GALK2: variants seen among roughly 807,000 people sequenced by gnomAD.
GALK2 encodes the protein N-acetylgalactosamine kinase.
A neutral mutation model predicts 52.4 loss-of-function variants in GALK2; 36 were observed. The ratio of observed to expected loss-of-function variants is 0.69; its 90% CI spans 0.53 to 0.91. The LOEUF is 0.91. Among genes scored for constraint, GALK2 ranks in the 40% least tolerant of loss-of-function variants. GALK2 has a pLI of 0.00. For missense variants in GALK2, 579 were observed against 559.1 expected, an observed-to-expected ratio of 1.04 and a Z score of -0.36; for synonymous variants, 176 against 199.1, an observed-to-expected ratio of 0.88 and a Z score of 0.98.
At chr15:49,201,909 T>A (rs775091775) in intron 2 of GALK2, among the ~76,000 whole-genome samples, 1 of 152,206 alleles carries the variant, frequency 6.6e-6, no homozygotes. Context: ...ATGGGGTAAT[T>A]TATCAACAAT....
At chr15:49,366,503 G>T in intron 3 of GALK2, 1 of 1,284,366 alleles carries the variant, frequency 7.8e-7, no homozygotes, top group African/African-American at 1.5e-5. Flanking sequence ...CAAACTAATG[G>T]AAGTTGCATT....
At chr15:49,165,873 G>C (rs1040920779), upstream of GALK2, among the ~76,000 whole-genome samples, 2 of 147,970 alleles carry the variant, frequency 1.4e-5, no homozygotes, top group East Asian at 4.0e-4. Context: ...TGCCATCTCC[G>C]CTCACTGCAA....
At chr15:49,271,344 A>G (rs1407384309) in intron 5 of GALK2, among the ~76,000 whole-genome samples, 7 of 151,804 alleles carry the variant, frequency 4.6e-5, no homozygotes, top group Admixed American at 4.6e-4. Flanking sequence ...TTACTTTGGT[A>G]TGTGTTTGCT....
intron 1 of GALK2, among the ~76,000 whole-genome samples, chr15:49,192,660 A>G (rs959856060): frequency 1.3e-4 from 19 of 151,800 alleles, no homozygotes; most frequent in African/African-American, 4.1e-4. Flanking sequence ...CCAAAACAGT[A>G]TATAATAGAA....
chr15:49,323,182 G>A (rs2037046986), intron 9 of GALK2, among the ~76,000 whole-genome samples: 1 of 152,098 alleles, frequency 6.6e-6, no homozygotes, highest in African/African-American at 2.4e-5. Flanking sequence ...CCTTGTGACT[G>A]TCTCACTGGG....
intron 3 of GALK2, among the ~76,000 whole-genome samples, chr15:49,217,678 A>T (rs1398665175): frequency 6.6e-6 from 1 of 152,294 alleles, no homozygotes; most frequent in South Asian, 2.1e-4. Context: ...TTGTCATAGC[A>T]TATTATTATG....
At chr15:49,215,723 G>A (rs1323123638) in intron 2 of GALK2, among the ~76,000 whole-genome samples, 1 of 152,066 alleles carries the variant, frequency 6.6e-6, no homozygotes, top group Non-Finnish European at 1.5e-5. Context: ...CATCTTTCTG[G>A]GATTGGTCAC....
chr15:49,207,914 A>G (rs564580169), intron 2 of GALK2, among the ~76,000 whole-genome samples: 60 of 152,226 alleles, frequency 3.9e-4, no homozygotes, highest in African/African-American at 1.4e-3. Flanking sequence ...CTAGGATTAC[A>G]GGCACCCACC....
chr15:49,200,862 A>G (rs1243985606), intron 1 of GALK2, among the ~76,000 whole-genome samples: 1 of 152,192 alleles, frequency 6.6e-6, no homozygotes, highest in Non-Finnish European at 1.5e-5. Context: ...ACATTCTTCA[A>G]AAGGGAAGAA....
intron 8 of GALK2, among the ~76,000 whole-genome samples, chr15:49,312,196 T>G (rs2036049198): frequency 6.6e-6 from 1 of 152,228 alleles, no homozygotes; most frequent in African/African-American, 2.4e-5. Context: ...TTTGTTGATC[T>G]CATTTAATGA....
At position 49,283,560 on chromosome 15, in the gene GALK2, T is replaced by C; in HGVS notation, c.604-6T>C. ...TATATTTCTCCTTTCATTTTTCTTCTAACAGGCCAAGTTGATAGAATTTAG... is the reference window on the plus strand; with the variant it reads ...TATATTTCTCCTTTCATTTTTCTTCCAACAGGCCAAGTTGATAGAATTTAG... On this transcript the variant is annotated splice_polypyrimidine_tract_variant and splice_region_variant and intron_variant, in intron 6 of 9. Coordinates refer to ENST00000560031, the MANE Select transcript of GALK2 (RefSeq NM_002044.4). 2 of 1,603,276 alleles carry C rather than the reference T, an allele frequency of 1.2e-6. No homozygotes were observed. Among genetic ancestry groups the C allele is most frequent in the Non-Finnish European group, 1.7e-6 (2 of 1,174,124 alleles).
At position 49,329,608 on chromosome 15, in the gene GALK2, AT is replaced by A. The variant is rs1411547028; in HGVS notation, c.*1453del. 1.0e-6 allele frequency: 1 copy of A among 984,686 alleles called. No homozygotes were observed. Among genetic ancestry groups the A allele is most frequent in the Admixed American group, 6.1e-5 (1 of 16,270 alleles). 61.0% of individuals were successfully genotyped at this position (984,686 alleles called of 1,614,324 possible). A position where few individuals can be genotyped will look rare whatever the true frequency, so the allele number is the denominator to read the frequency against. On this transcript the variant is annotated 3_prime_UTR_variant, in exon 10 of 10. Coordinates refer to ENST00000560031, the MANE Select transcript of GALK2 (RefSeq NM_002044.4). Reference sequence around the variant, plus strand: ...CTATTTAAAAATAAACTTCTGATGCATTTTCATTCTTAGCAGAAAGGTAAAT... The same window carrying A: ...CTATTTAAAAATAAACTTCTGATGCATTTCATTCTTAGCAGAAAGGTAAAT...
At chr15:49,315,576 G>T (rs1317689557) in intron 8 of GALK2, among the ~76,000 whole-genome samples, 1 of 152,212 alleles carries the variant, frequency 6.6e-6, no homozygotes, top group Non-Finnish European at 1.5e-5. Context: ...CCAAAGGGTG[G>T]TCTCCAAATC....
In GALK2 at chr15:49,178,243, AAT is replaced by A. The variant is rs1253316013; in HGVS notation, c.53+7871_53+7872del. 11 of 98,742 alleles carry A rather than the reference AAT, an allele frequency of 1.1e-4. No homozygotes were observed. The South Asian group carries it at 2.8e-3, about 25-fold the overall frequency. 6.1% of individuals were successfully genotyped at this position (98,742 alleles called of 1,614,324 possible). A position where few individuals can be genotyped will look rare whatever the true frequency, so the allele number is the denominator to read the frequency against. The stretch of plus-strand genomic sequence containing the variant: ...TATATATATAGAAATAAAATGTATA[AAT>A]ATGTCTATATGTATAAATAAAAATA... On this transcript the variant is annotated intron_variant, in intron 1 of 9. Coordinates refer to ENST00000560031, the MANE Select transcript of GALK2 (RefSeq NM_002044.4).
intron 1 of GALK2, chr15:49,156,356 G>T: frequency 2.4e-6 from 1 of 408,902 alleles, no homozygotes; most frequent in Non-Finnish European, 4.7e-6. Context: ...GCGGGATCAG[G>T]AATTTCAAGA....
chr15:49,228,682 T>TATATACATAC (rs1477232489), intron 3 of GALK2, among the ~76,000 whole-genome samples: 1 of 14,554 alleles, frequency 6.9e-5, no homozygotes, highest in African/African-American at 2.9e-4. Context: ...TATATATATA[T>TATATACATAC]ATATATTTTT....
intron 8 of GALK2, among the ~76,000 whole-genome samples, chr15:49,309,617 GTTTT>G (rs931776740): frequency 1.4e-5 from 2 of 145,610 alleles, no homozygotes; most frequent in Non-Finnish European, 3.0e-5. Flanking sequence ...AGTTGCTTGG[GTTTT>G]TTTTTTGTTT....
intron 5 of GALK2, among the ~76,000 whole-genome samples, chr15:49,248,777 C>T (rs2091465778): frequency 6.6e-6 from 1 of 152,056 alleles, no homozygotes; most frequent in Non-Finnish European, 1.5e-5. Flanking sequence ...TTGTTTGGGT[C>T]ACTTCTGGGT....
At chr15:49,352,223 G>A (rs2042357991) in intron 3 of GALK2, among the ~76,000 whole-genome samples, 1 of 152,212 alleles carries the variant, frequency 6.6e-6, no homozygotes, top group Non-Finnish European at 1.5e-5. Context: ...GGCAGAAGCT[G>A]TAAAGCCATT....
Sources: allele counts gnomAD v4.1 joint callset (sites outside exome capture counted in the v4.1 genomes callset), GRCh38; gene constraint gnomAD v4.1.1; transcripts MANE v1.5; gene names NCBI Gene and HGNC (gene_info 2026-07-23, HGNC 2026-07-21).